The following ROBO2 variants were observed in gnomAD, a reference collection of about 807,000 sequenced individuals.
The protein encoded by ROBO2 is roundabout homolog 2.
ROBO2 carries 53 observed loss-of-function variants against 160.8 expected under a neutral mutation model. The ratio of observed to expected loss-of-function variants is 0.33; its 90% CI spans 0.26 to 0.41. The LOEUF is 0.41. Ranked by LOEUF, ROBO2 falls within the 10% of genes least tolerant of loss-of-function variation. The probability of loss-of-function intolerance (pLI) is 1.00; values close to 1 mark genes in which losing one functional copy is unlikely to be tolerated. For missense variants in ROBO2, 1,577 were observed against 1,722.4 expected (o/e 0.92, Z 1.49); for synonymous variants, 664 against 611.7 (o/e 1.09, Z -1.26).
chr3:77,644,900 A>G, exon 25 of ROBO2: 1 of 1,613,972 alleles, frequency 6.2e-7, no homozygotes, highest in Non-Finnish European at 8.5e-7. Flanking sequence ...TTACAGGTGA[A>G]TTATGTAAGT....
At chr3:77,222,911 T>C (rs1462485205) in intron 2 of ROBO2, among the ~76,000 whole-genome samples, 3 of 152,202 alleles carry the variant, frequency 2.0e-5, no homozygotes, top group South Asian at 2.1e-4. Flanking sequence ...CAAGGAGTGC[T>C]TTCTTCCCTC....
chr3:76,642,659 G>C (rs2090755773), intron 2 of ROBO2, among the ~76,000 whole-genome samples: 1 of 151,740 alleles, frequency 6.6e-6, no homozygotes. Flanking sequence ...GCCTACACCT[G>C]CTCTTAATTG....
In ROBO2 at chr3:76,113,355, G is replaced by GA. The variant is rs528941909; in HGVS notation, c.109+175759dup. Among the ~76,000 whole-genome samples, 169 of 152,006 alleles carry GA rather than the reference G, an allele frequency of 1.1e-3. 1 individual carries two copies. Among genetic ancestry groups the GA allele is most frequent in the Middle Eastern group, 3.4e-3 (1 of 294 alleles). On this transcript the variant is annotated intron_variant, in intron 2 of 26. Coordinates refer to the ROBO2 transcript ENST00000487694. Reference sequence around the variant, plus strand: ...AATCTGAATATTAATTTAAAATTAAGAAAAAATATCAAGCTGATTATACTG... The same window carrying GA: ...AATCTGAATATTAATTTAAAATTAAGAAAAAAATATCAAGCTGATTATACTG...
chr3:76,389,433 G>A (rs1006965646), intron 2 of ROBO2, among the ~76,000 whole-genome samples: 2 of 152,156 alleles, frequency 1.3e-5, no homozygotes, highest in Non-Finnish European at 2.9e-5. Flanking sequence ...GCCACTACAA[G>A]TTTTGAAGGG....
At chr3:76,360,095 T>C (rs1473143530) in intron 2 of ROBO2, among the ~76,000 whole-genome samples, 1 of 152,064 alleles carries the variant, frequency 6.6e-6, no homozygotes, top group Non-Finnish European at 1.5e-5. Flanking sequence ...GGGACAGAGA[T>C]GTGGCTGTTC....
chr3:76,962,329 A>G (rs2079727319), intron 2 of ROBO2, among the ~76,000 whole-genome samples: 1 of 151,760 alleles, frequency 6.6e-6, no homozygotes, highest in Non-Finnish European at 1.5e-5. Context: ...GCGAGATTCC[A>G]TTAAAAAAAC....
At chr3:77,200,302 TATATATATATATATA>T (rs1560218665) in intron 2 of ROBO2, among the ~76,000 whole-genome samples, 6 of 83,768 alleles carry the variant, frequency 7.2e-5, no homozygotes, top group East Asian at 6.6e-4. Context: ...TATATATATA[TATATATATATATATA>T]TATATTTTAG....
rs71629633 is a variant in ROBO2 at position 77,192,650 on chromosome 3, C to CTTTTTT, written c.388+94326_388+94331dup. 2.4e-3 allele frequency among the ~76,000 whole-genome samples: 269 copies of CTTTTTT among 109,992 alleles called. 4 individuals carry two copies. Among genetic ancestry groups the CTTTTTT allele is most frequent in the Non-Finnish European group, 3.2e-3 (185 of 57,468 alleles). 72.2% of individuals were successfully genotyped at this position (109,992 alleles called of 152,430 possible). ...TCCATTTTATGAACAAACACAATTC[C>CTTTTTT]TTTTTTTTTTTTTTTTTTTTTGAGA... On this transcript the variant is annotated intron_variant, in intron 2 of 25. Coordinates refer to ENST00000461745, the Ensembl canonical transcript of ROBO2.
chr3:77,126,714 T>TATA (rs1560065744), intron 2 of ROBO2, among the ~76,000 whole-genome samples: 2 of 137,702 alleles, frequency 1.5e-5, no homozygotes, highest in African/African-American at 6.8e-5. Context: ...ATATATATAT[T>TATA]TTTTTTCCTT....
At chr3:76,120,719 T>C (rs971606512) in intron 2 of ROBO2, among the ~76,000 whole-genome samples, 2 of 152,162 alleles carry the variant, frequency 1.3e-5, no homozygotes, top group African/African-American at 2.4e-5. Context: ...AATGCAATTG[T>C]AAAAGCAATG....
chr3:76,240,068 C>T (rs141073114), intron 2 of ROBO2, among the ~76,000 whole-genome samples: 5,926 of 152,194 alleles, frequency 0.039, 340 homozygotes, highest in African/African-American at 0.12. Flanking sequence ...CCGTTCTAGA[C>T]ATGAAGCTCT....
intron 2 of ROBO2, among the ~76,000 whole-genome samples, chr3:77,142,066 C>A (rs2076749366): frequency 6.6e-6 from 1 of 152,158 alleles, no homozygotes. Context: ...GTCATCCAAA[C>A]TCATAAAAAC....
At chr3:76,479,810 G>C (rs1367778682) in intron 2 of ROBO2, among the ~76,000 whole-genome samples, 5 of 152,164 alleles carry the variant, frequency 3.3e-5, no homozygotes, top group Non-Finnish European at 4.4e-5. Flanking sequence ...TTTAGGAACA[G>C]ACAGTGTCCA....
chr3:77,570,551 TAGA>T (rs1392540383), intron 13 of ROBO2, among the ~76,000 whole-genome samples: 2 of 152,040 alleles, frequency 1.3e-5, no homozygotes, highest in African/African-American at 2.4e-5. Flanking sequence ...CTTTTTTTAA[TAGA>T]AGAAAGAATT....
chr3:77,592,937 T>C (rs188115705), intron 17 of ROBO2, among the ~76,000 whole-genome samples: 1 of 152,320 alleles, frequency 6.6e-6, no homozygotes, highest in African/African-American at 2.4e-5. Flanking sequence ...CACTGGTTCA[T>C]GTATTAAAGT....
intron 2 of ROBO2, among the ~76,000 whole-genome samples, chr3:76,385,398 G>A (rs189464885): frequency 5.9e-5 from 9 of 152,052 alleles, no homozygotes; most frequent in Admixed American, 5.2e-4. Flanking sequence ...CCTGAAAAAC[G>A]AACCCATATC....
chr3:76,236,280 A>G (rs999052438), intron 2 of ROBO2, among the ~76,000 whole-genome samples: 3 of 152,082 alleles, frequency 2.0e-5, no homozygotes, highest in African/African-American at 7.2e-5. Flanking sequence ...TTTAATCCTT[A>G]TATCTTTTGT....
At chr3:77,357,469 C>T (rs1263835670) in intron 2 of ROBO2, among the ~76,000 whole-genome samples, 1 of 152,162 alleles carries the variant, frequency 6.6e-6, no homozygotes, top group Non-Finnish European at 1.5e-5. Context: ...GCCCTTCTAT[C>T]CTGGACTTTC....
chr3:77,644,665 T>C, intron 24 of ROBO2, 39 bp from the exon 27 acceptor site: 1 of 1,592,464 alleles, frequency 6.3e-7, no homozygotes, highest in Non-Finnish European at 8.6e-7. Flanking sequence ...CCTCCATGTT[T>C]CTGTTCAATT....
Sources: allele counts gnomAD v4.1 joint callset (sites outside exome capture counted in the v4.1 genomes callset), GRCh38; gene constraint gnomAD v4.1.1; transcripts MANE v1.5; gene names NCBI Gene and HGNC (gene_info 2026-07-23, HGNC 2026-07-21).